SRGAP2: variants seen among roughly 807,000 people sequenced by gnomAD.
SRGAP2 encodes SLIT-ROBO Rho GTPase-activating protein 2.
A neutral mutation model predicts 57.2 loss-of-function variants in SRGAP2; 15 were observed. The observed-to-expected ratio is 0.26, with a 90% CI of 0.18 to 0.40. SRGAP2 has a LOEUF of 0.40. Ranked by LOEUF, SRGAP2 falls within the 10% of genes least tolerant of loss-of-function variation. The probability of loss-of-function intolerance (pLI) is 1.00; values close to 1 mark genes in which losing one functional copy is unlikely to be tolerated. For synonymous variants in SRGAP2, 249 were observed against 248.0 expected, an observed-to-expected ratio of 1.00 and a Z score of -0.04; for missense variants, 520 against 669.6, an observed-to-expected ratio of 0.78 and a Z score of 2.47.
At chr1:206,417,666 G>A (rs928614623) in intron 11 of SRGAP2, among the ~76,000 whole-genome samples, 4 of 150,428 alleles carry the variant, frequency 2.7e-5, no homozygotes, top group African/African-American at 9.8e-5. Context: ...GTGATCTGCC[G>A]GCCTCGGCCT....
chr1:206,437,063 A>T, intron 15 of SRGAP2, 21 bp downstream of exon 15: 1 of 780,450 alleles, frequency 1.3e-6, no homozygotes, highest in Non-Finnish European at 2.4e-6. Context: ...AGTCTTGAAG[A>T]TAAAACCAAA....
chr1:206,397,873 G>GT (rs1167147430), intron 7 of SRGAP2, among the ~76,000 whole-genome samples: 17 of 123,132 alleles, frequency 1.4e-4, no homozygotes, highest in Admixed American at 6.6e-4. Context: ...GAACTTGGCT[G>GT]TTTCAGTAAG....
In SRGAP2 at chr1:206,210,895, A is replaced by T. The variant is rs184605825; in HGVS notation, c.67+4858A>T. 6.5e-3 allele frequency among the ~76,000 whole-genome samples: 995 copies of T among 151,966 alleles called. 4 individuals carry two copies. The highest frequency in any genetic ancestry group is 0.034 in the Middle Eastern group (10 of 294). On this transcript the variant is annotated intron_variant, in intron 2 of 22. Transcript: ENST00000573034. ...GCTCCTGTCCCTTGCTCAGGGGAAA[A>T]AACAACAACAAAAAAAGCTACTCTG...
chr1:206,398,683 T>G (rs1436563164), intron 7 of SRGAP2, among the ~76,000 whole-genome samples: 1 of 151,906 alleles, frequency 6.6e-6, no homozygotes, highest in African/African-American at 2.4e-5. Context: ...CTGAGGGATG[T>G]AAAGAAGAGT....
chr1:206,309,182 A>C (rs1160192680), intron 3 of SRGAP2, among the ~76,000 whole-genome samples: 35 of 150,868 alleles, frequency 2.3e-4, no homozygotes, highest in Admixed American at 1.8e-3. Context: ...AAAAAAAAAA[A>C]AAATCCCTGG....
At chr1:206,449,292 T>TTGTTTTTTG in intron 18 of SRGAP2, among the ~76,000 whole-genome samples, 1 of 147,672 alleles carries the variant, frequency 6.8e-6, no homozygotes. Flanking sequence ...GATGATTTTT[T>TTGTTTTTTG]TTTTTTTTTT....
intron 2 of SRGAP2, among the ~76,000 whole-genome samples, chr1:206,210,951 A>G (rs1461346426): frequency 1.3e-5 from 2 of 152,068 alleles, no homozygotes. Context: ...AGAAAATGAA[A>G]CTCTTGGAAA....
chr1:206,386,714 G>A (rs1306742731), intron 5 of SRGAP2, among the ~76,000 whole-genome samples: 21 of 145,170 alleles, frequency 1.4e-4, no homozygotes, highest in African/African-American at 4.6e-4. Context: ...CAGGAGAATG[G>A]CGTGAACCTG....
chr1:206,455,002 A>G lies in SRGAP2; in HGVS notation c.2485A>G (p.Ile829Val), dbSNP rs1553377874. 1.3e-6 allele frequency: 1 copy of G among 780,884 alleles called. No homozygotes were observed. The highest frequency in any genetic ancestry group is 2.4e-6 in the Non-Finnish European group (1 of 417,994). The allele number at this position is 780,884 out of a possible 1,614,324, so 48.4% of individuals were successfully genotyped here. The change falls in exon 21 of 23, where the codon ATT becomes GTT. Residue 829 changes from isoleucine (I) to valine (V), a missense_variant. Physicochemically the swap from Ile to Val is conservative, Grantham distance 29 (BLOSUM62 3). Coordinates refer to ENST00000573034, the MANE Select transcript of SRGAP2 (RefSeq NM_015326.5). ...TCCCAGTGGGGGTCATGTAGCCGATATTTATCTTGCAAACATCAACAAGTA... is the reference window on the plus strand; with the variant it reads ...TCCCAGTGGGGGTCATGTAGCCGATGTTTATCTTGCAAACATCAACAAGTA... ...SCPSGGHVAD[I>V]YLANINKQRK...
intron 2 of SRGAP2, among the ~76,000 whole-genome samples, chr1:206,286,521 G>A (rs1362676136): frequency 1.3e-5 from 2 of 148,168 alleles, no homozygotes; most frequent in African/African-American, 2.5e-5. Context: ...AGGCACTGTG[G>A]CATCGGGGAT....
At chr1:206,386,853 A>G (rs1459839242) in intron 5 of SRGAP2, among the ~76,000 whole-genome samples, 4 of 146,548 alleles carry the variant, frequency 2.7e-5, no homozygotes, top group East Asian at 2.1e-4. Context: ...AGCCGGGCAC[A>G]GTGGCTCATG....
chr1:206,441,871 T>G (rs1553372173), intron 17 of SRGAP2, among the ~76,000 whole-genome samples: 1 of 152,174 alleles, frequency 6.6e-6, no homozygotes, highest in African/African-American at 2.4e-5. Flanking sequence ...TCAGTTGCTA[T>G]TTATCATCAC....
At chr1:206,208,647 G>C (rs1553301787) in intron 2 of SRGAP2, among the ~76,000 whole-genome samples, 2 of 152,228 alleles carry the variant, frequency 1.3e-5, no homozygotes, top group Non-Finnish European at 2.9e-5. Context: ...TGGAGACAAA[G>C]GGCCTGCGAT....
intron 17 of SRGAP2, among the ~76,000 whole-genome samples, chr1:206,445,029 A>G (rs1017684274): frequency 1.3e-5 from 2 of 152,140 alleles, no homozygotes; most frequent in Non-Finnish European, 2.9e-5. Flanking sequence ...ACAGAAACAA[A>G]CTCTGCAATC....
intron 2 of SRGAP2, among the ~76,000 whole-genome samples, chr1:206,283,959 A>G (rs1364133481): frequency 3.6e-5 from 5 of 139,368 alleles, no homozygotes; most frequent in Non-Finnish European, 6.2e-5. Context: ...TAAAATTTAT[A>G]ATAAAATATA....
At chr1:206,239,959 A>C (rs564463349) in intron 2 of SRGAP2, among the ~76,000 whole-genome samples, 116 of 151,176 alleles carry the variant, frequency 7.7e-4, no homozygotes, top group African/African-American at 2.6e-3. Context: ...GGATTACTTT[A>C]TGTTCCTTAA....
At position 206,206,073 on chromosome 1, in the gene SRGAP2, C is replaced by G. The variant is rs1460274284; in HGVS notation, c.67+36C>G. The G allele has an allele frequency of 2.8e-5, 43 of 1,544,678 alleles. No homozygotes were observed. The African/African-American group carries it at 4.5e-4, about 16-fold the overall frequency. On this transcript the variant is annotated intron_variant, in intron 2 of 22. Coordinates refer to ENST00000573034, the MANE Select transcript of SRGAP2 (RefSeq NM_015326.5). ...TGAAAAATAGCACACTGCAAATGCT[C>G]TGTGGACTGGTGAGGCGTGTATTTC...
At chr1:206,419,117 A>G (rs889841755) in intron 11 of SRGAP2, among the ~76,000 whole-genome samples, 9 of 152,016 alleles carry the variant, frequency 5.9e-5, no homozygotes, top group African/African-American at 2.2e-4. Context: ...ATTGGCCCTA[A>G]GGTTTAGGGG....
At chr1:206,359,916 C>T (rs1242714674) in intron 4 of SRGAP2, among the ~76,000 whole-genome samples, 11 of 144,144 alleles carry the variant, frequency 7.6e-5, no homozygotes, top group Non-Finnish European at 1.7e-4. Flanking sequence ...ACGCCATTCT[C>T]CTGCCTCAGC....
Sources: allele counts gnomAD v4.1 joint callset (sites outside exome capture counted in the v4.1 genomes callset), GRCh38; gene constraint gnomAD v4.1.1; transcripts MANE v1.5; gene names NCBI Gene and HGNC (gene_info 2026-07-23, HGNC 2026-07-21).